The following GREM1 variants were observed in gnomAD, a reference collection of about 807,000 sequenced individuals.
GREM1 encodes the protein gremlin-1.
A neutral mutation model predicts 13.1 loss-of-function variants in GREM1; 6 were observed. The ratio of observed to expected loss-of-function variants is 0.46; its 90% CI spans 0.25 to 0.91. The LOEUF (loss-of-function observed/expected upper bound fraction) is 0.91, where lower values mean the gene tolerates loss of function less well. GREM1 is among the 40% of genes least tolerant of loss of function. GREM1 has a pLI of 0.18. For synonymous variants in GREM1, 98 were observed against 93.7 expected (o/e 1.05, Z -0.27); for missense variants, 185 against 233.9 (o/e 0.79, Z 1.36).
At chr15:32,730,618 CTAT>C (rs1463174922) in intron 1 of GREM1, 69 bp from the exon 2 acceptor site, 5 of 1,012,476 alleles carry the variant, frequency 4.9e-6, no homozygotes, top group South Asian at 1.7e-5. Flanking sequence ...ATGCTAGGTG[CTAT>C]TATTATTAAT....
In GREM1 at chr15:32,734,422, C is replaced by T. The variant is rs2055670556; in HGVS notation, c.*3177C>T. 1 of 246,198 alleles carries T rather than the reference C, an allele frequency of 4.1e-6. No homozygotes were observed. The highest frequency in any genetic ancestry group is 8.5e-6 in the Non-Finnish European group (1 of 117,102). 15.3% of individuals were successfully genotyped at this position (246,198 alleles called of 1,614,324 possible). A position where few individuals can be genotyped will look rare whatever the true frequency, so the allele number is the denominator to read the frequency against. The stretch of plus-strand genomic sequence containing the variant: ...AGTGAAAGTAGTTCTATTGACATTC[C>T]TCAAGATATTTAATATCAACTGCAT... On this transcript the variant is annotated 3_prime_UTR_variant, in exon 2 of 2. Coordinates refer to ENST00000651154, the MANE Select transcript of GREM1 (RefSeq NM_013372.7).
At position 32,731,012 on chromosome 15, in the gene GREM1, T is replaced by A; in HGVS notation, c.322T>A (p.Cys108Ser). ...TAAGCAGACCATCCACGAGGAAGGC[T>A]GCAACAGTCGCACCATCATCAACCG... ...PLKQTIHEEG[C>S]NSRTIINRFC... Residue 108 changes from cysteine to serine, a missense_variant, in exon 2 of 2, where the codon TGC becomes AGC. Coordinates refer to ENST00000651154, the MANE Select transcript of GREM1 (RefSeq NM_013372.7). 6.2e-7 allele frequency: 1 copy of A among 1,614,198 alleles called. No individual in the cohort carries two copies. The highest frequency in any genetic ancestry group is 8.5e-7 in the Non-Finnish European group (1 of 1,180,044).
chr15:32,718,670 A>G (rs751295079), intron 1 of GREM1: 32 of 360,856 alleles, frequency 8.9e-5, no homozygotes, highest in Non-Finnish European at 1.7e-4. Flanking sequence ...GCATCCGGAG[A>G]ATCCATGATG....
chr15:32,730,450 C>T (rs1169742360), intron 1 of GREM1, among the ~76,000 whole-genome samples: 1 of 152,182 alleles, frequency 6.6e-6, no homozygotes, highest in African/African-American at 2.4e-5. Context: ...GAGCTAGGCC[C>T]TGGCTGAGTT....
rs1387889175 is a variant in GREM1 at position 32,735,334 on chromosome 15, G to A, written c.*4089G>A. The A allele has an allele frequency of 1.3e-5, 2 of 152,162 alleles. No homozygotes were observed. Among genetic ancestry groups the A allele is most frequent in the African/African-American group, 2.4e-5 (1 of 41,444 alleles). 9.4% of individuals were successfully genotyped at this position (152,162 alleles called of 1,614,324 possible). On this transcript the variant is annotated 3_prime_UTR_variant, in exon 2 of 2. Coordinates refer to ENST00000651154, the MANE Select transcript of GREM1 (RefSeq NM_013372.7). ...AGACACTGTGCTAAGGATTTTCTTT[G>A]AATTGTTTCTCACTCAATCTTCACG...
At chr15:32,722,966 T>G (rs930202064) in intron 1 of GREM1, among the ~76,000 whole-genome samples, 4 of 152,220 alleles carry the variant, frequency 2.6e-5, no homozygotes, top group African/African-American at 9.6e-5. Context: ...GGTATCTTGA[T>G]GCACCCTGAG....
chr15:32,742,471 T>G lies in GREM1; in HGVS notation c.*11226T>G, dbSNP rs989091130. The stretch of plus-strand genomic sequence containing the variant: ...TTACCCAAAGTGATCTATAGATTCA[T>G]GCAATCCCCATCAAAAATCCCAGTG... On this transcript the variant is annotated 3_prime_UTR_variant, in exon 2 of 2. Coordinates refer to ENST00000651154, the MANE Select transcript of GREM1 (RefSeq NM_013372.7). 6.6e-6 allele frequency: 1 copy of G among 152,170 alleles called. No individual in the cohort carries two copies. Among genetic ancestry groups the G allele is most frequent in the Non-Finnish European group, 1.5e-5 (1 of 68,032 alleles). 9.4% of individuals were successfully genotyped at this position (152,170 alleles called of 1,614,324 possible).
intron 1 of GREM1, among the ~76,000 whole-genome samples, chr15:32,727,967 T>G (rs373286094): frequency 3.9e-5 from 6 of 152,204 alleles, no homozygotes; most frequent in Admixed American, 3.3e-4. Flanking sequence ...TACAGACCAC[T>G]GCTCAAGGTA....
chr15:32,731,266 G>C lies in GREM1; in HGVS notation c.*21G>C, dbSNP rs2055612209. 6.3e-7 allele frequency: 1 copy of C among 1,590,330 alleles called. No individual in the cohort carries two copies. The highest frequency in any genetic ancestry group is 8.6e-7 in the Non-Finnish European group (1 of 1,162,994). On this transcript the variant is annotated 3_prime_UTR_variant, in exon 2 of 2. Coordinates refer to ENST00000651154, the MANE Select transcript of GREM1 (RefSeq NM_013372.7). ...ATTAAGCCAAATCCAGGTGCACCCA[G>C]CATGTCCTAGGAATGCAGCCCCAGG...
rs758507380 is a variant in GREM1 at position 32,744,053 on chromosome 15, T to G, written c.*12808T>G. The G allele has an allele frequency of 5.9e-5, 9 of 152,206 alleles. No homozygotes were observed. Among genetic ancestry groups the G allele is most frequent in the Non-Finnish European group, 1.3e-4 (9 of 68,036 alleles). 9.4% of individuals were successfully genotyped at this position (152,206 alleles called of 1,614,324 possible). ...AAGTTACAAACCTTTACTTTTGCTT[T>G]ATCTTATTTGTTAGAGCAAGTCACT... On this transcript the variant is annotated 3_prime_UTR_variant, in exon 2 of 2. Transcript: ENST00000651154.
chr15:32,734,930 A>G lies in GREM1; in HGVS notation c.*3685A>G. The G allele has an allele frequency of 6.2e-6, 1 of 162,004 alleles. No individual in the cohort carries two copies. The highest frequency in any genetic ancestry group is 1.4e-5 in the Non-Finnish European group (1 of 73,606). 10.0% of individuals were successfully genotyped at this position (162,004 alleles called of 1,614,324 possible). A position where few individuals can be genotyped will look rare whatever the true frequency, so the allele number is the denominator to read the frequency against. On this transcript the variant is annotated 3_prime_UTR_variant, in exon 2 of 2. Transcript: ENST00000651154. ...CTAGAAAGAAGAACTATAGAGTGTT[A>G]TAAGGGAGGCCCTGAGATGGAAGGA...
In GREM1 at chr15:32,730,723, G is replaced by A. The variant is rs1054066828; in HGVS notation, c.33G>A (p.Leu11=). 1 of 1,583,284 alleles carries A rather than the reference G, an allele frequency of 6.3e-7. No individual in the cohort carries two copies. Among genetic ancestry groups the A allele is most frequent in the Non-Finnish European group, 8.6e-7 (1 of 1,167,512 alleles). Residue 11 remains leucine (L), a synonymous_variant, in exon 2 of 2, where the codon CTG becomes CTA. Transcript: ENST00000651154. The part of the protein sequence containing the change: MSRTAYTVGA[L]LLLLGTLLPA... ...GCACAGCCTACACGGTGGGAGCCCT[G>A]CTTCTCCTCTTGGGGACCCTGCTGC...
Position 32,738,151 on chromosome 15 carries a change from C to A in GREM1, c.*6906C>A. The A allele has an allele frequency of 8.5e-5, 4 of 47,010 alleles. No homozygotes were observed. Among genetic ancestry groups the A allele is most frequent in the Admixed American group, 2.0e-4 (1 of 4,972 alleles). 2.9% of individuals were successfully genotyped at this position (47,010 alleles called of 1,614,324 possible). ...AAAAAAAAGAAAAGAAAAAAGTCATCCAGATTGGAAAAGAAATAAAATGAT... is the reference window on the plus strand; with the variant it reads ...AAAAAAAAGAAAAGAAAAAAGTCATACAGATTGGAAAAGAAATAAAATGAT... On this transcript the variant is annotated 3_prime_UTR_variant, in exon 2 of 2. Transcript: ENST00000651154.
Position 32,718,146 on chromosome 15 carries a change from C to T in GREM1, c.-17C>T. Reference sequence around the variant, plus strand: ...GCGTCGAAAGCGCAGGCCCCGAGGACCCGCCGCACTGACAGGTGAGCGCGG... The same window carrying T: ...GCGTCGAAAGCGCAGGCCCCGAGGATCCGCCGCACTGACAGGTGAGCGCGG... On this transcript the variant is annotated 5_prime_UTR_variant, in exon 1 of 2. Coordinates refer to ENST00000651154, the MANE Select transcript of GREM1 (RefSeq NM_013372.7). 7 of 1,319,048 alleles carry T rather than the reference C, an allele frequency of 5.3e-6. No homozygotes were observed. Among genetic ancestry groups the T allele is most frequent in the East Asian group, 7.1e-5 (2 of 28,154 alleles). The allele number at this position is 1,319,048 out of a possible 1,614,324, so 81.7% of individuals were successfully genotyped here.
In GREM1 at chr15:32,733,072, G is replaced by A. The variant is rs935264625; in HGVS notation, c.*1827G>A. Reference sequence around the variant, plus strand: ...AACTAAACAGGAGCCATTTCAAGGCGGGAGATATTTTAAACACCCAAAATG... The same window carrying A: ...AACTAAACAGGAGCCATTTCAAGGCAGGAGATATTTTAAACACCCAAAATG... On this transcript the variant is annotated 3_prime_UTR_variant, in exon 2 of 2. Coordinates refer to ENST00000651154, the MANE Select transcript of GREM1 (RefSeq NM_013372.7). 1.7e-5 allele frequency: 4 copies of A among 230,678 alleles called. No homozygotes were observed. Among genetic ancestry groups the A allele is most frequent in the African/African-American group, 6.8e-5 (3 of 44,434 alleles). The allele number at this position is 230,678 out of a possible 1,614,324, so 14.3% of individuals were successfully genotyped here.
At chr15:32,728,621 A>G (rs894188315) in intron 1 of GREM1, among the ~76,000 whole-genome samples, 5 of 152,238 alleles carry the variant, frequency 3.3e-5, no homozygotes, top group African/African-American at 1.2e-4. Context: ...AGTTGCTCTA[A>G]TAATACCAAC....
In GREM1 at chr15:32,732,976, A is replaced by C. The variant is rs1291614857; in HGVS notation, c.*1731A>C. On this transcript the variant is annotated 3_prime_UTR_variant, in exon 2 of 2. Coordinates refer to ENST00000651154, the MANE Select transcript of GREM1 (RefSeq NM_013372.7). Reference sequence around the variant, plus strand: ...GTTGCCGATCAAGGCTCTGGCATTCAGAGAACCCTTGCAACTCGAGAAGCT... The same window carrying C: ...GTTGCCGATCAAGGCTCTGGCATTCCGAGAACCCTTGCAACTCGAGAAGCT... 10 of 224,790 alleles carry C rather than the reference A, an allele frequency of 4.4e-5. No individual in the cohort carries two copies. The highest frequency in any genetic ancestry group is 9.7e-6 in the Non-Finnish European group (1 of 103,448). The allele number at this position is 224,790 out of a possible 1,614,324, so 13.9% of individuals were successfully genotyped here. A position where few individuals can be genotyped will look rare whatever the true frequency, so the allele number is the denominator to read the frequency against.
intron 1 of GREM1, among the ~76,000 whole-genome samples, chr15:32,722,984 G>C (rs550025098): frequency 6.6e-6 from 1 of 152,336 alleles, no homozygotes; most frequent in Admixed American, 6.5e-5. Context: ...GAGTCTATGA[G>C]ATGCAGCTTA....
Position 32,718,113 on chromosome 15 carries a change from A to C in GREM1, c.-50A>C. The C allele has an allele frequency of 7.9e-7, 1 of 1,267,174 alleles. No individual in the cohort carries two copies. Among genetic ancestry groups the C allele is most frequent in the Non-Finnish European group, 1.0e-6 (1 of 986,066 alleles). 78.5% of individuals were successfully genotyped at this position (1,267,174 alleles called of 1,614,324 possible). A position where few individuals can be genotyped will look rare whatever the true frequency, so the allele number is the denominator to read the frequency against. ...GGCGGCTCTGGCCGCGGCCGCACTC[A>C]GCGCCACGCGTCGAAAGCGCAGGCC... On this transcript the variant is annotated 5_prime_UTR_variant, in exon 1 of 2. Transcript: ENST00000651154.
Sources: gnomAD v4.1 joint callset for allele counts (sites outside exome capture counted in the v4.1 genomes callset) on GRCh38, gnomAD v4.1.1 for gene constraint, MANE v1.5 for transcripts, NCBI Gene and HGNC (gene_info 2026-07-23, HGNC 2026-07-21) for gene names.